The following PAPPA2 variants were observed in gnomAD, a reference collection of about 807,000 sequenced individuals.
PAPPA2 encodes pappalysin-2.
In PAPPA2, 86 loss-of-function variants were observed where a neutral mutation model predicts 176.4. The ratio of observed to expected loss-of-function variants is 0.49; its 90% CI spans 0.41 to 0.58. The LOEUF (loss-of-function observed/expected upper bound fraction) is 0.58, where lower values mean the gene tolerates loss of function less well. Ranked by LOEUF, PAPPA2 falls within the 20% of genes least tolerant of loss-of-function variation. PAPPA2 has a pLI of 0.00. For missense variants in PAPPA2, 2,073 were observed against 2,256.9 expected, an observed-to-expected ratio of 0.92 and a Z score of 1.65; for synonymous variants, 809 against 852.2, an observed-to-expected ratio of 0.95 and a Z score of 0.88.
chr1:176,543,861 A>G (rs1650490947), intron 1 of PAPPA2, among the ~76,000 whole-genome samples: 1 of 152,130 alleles, frequency 6.6e-6, no homozygotes, highest in South Asian at 2.1e-4. Flanking sequence ...GGAGTGGTTA[A>G]GAAGTGGGCC....
intron 1 of PAPPA2, among the ~76,000 whole-genome samples, chr1:176,472,007 C>G (rs914221825): frequency 1.3e-5 from 2 of 152,180 alleles, no homozygotes; most frequent in African/African-American, 4.8e-5. Flanking sequence ...GGTTGTCTCT[C>G]TTTGTGACTT....
intron 17 of PAPPA2, among the ~76,000 whole-genome samples, chr1:176,781,359 A>C (rs941520838): frequency 8.3e-6 from 1 of 119,784 alleles, no homozygotes; most frequent in East Asian, 2.8e-4. Context: ...AGAGCTTTGT[A>C]AGGGGCTTTT....
intron 1 of PAPPA2, among the ~76,000 whole-genome samples, chr1:176,545,784 G>A (rs1650604104): frequency 6.6e-6 from 1 of 152,076 alleles, no homozygotes. Context: ...TGAAAAGGTG[G>A]GCAGTGAACT....
At chr1:176,640,299 G>A (rs1401151882) in intron 3 of PAPPA2, among the ~76,000 whole-genome samples, 6 of 149,992 alleles carry the variant, frequency 4.0e-5, no homozygotes, top group East Asian at 2.0e-4. Context: ...CCATTAACTC[G>A]TCATCTAGCA....
At chr1:176,756,452 T>C (rs965076963) in intron 14 of PAPPA2, among the ~76,000 whole-genome samples, 5 of 152,216 alleles carry the variant, frequency 3.3e-5, no homozygotes, top group African/African-American at 1.2e-4. Context: ...TCAGCTAATA[T>C]ATACATATCT....
intron 4 of PAPPA2, among the ~76,000 whole-genome samples, chr1:176,671,579 T>C (rs1181476675): frequency 6.6e-6 from 1 of 151,816 alleles, no homozygotes; most frequent in African/African-American, 2.4e-5. Context: ...GGGAAAAGAG[T>C]GGATACCTTA....
chr1:176,824,372 T>C (rs1666776860), intron 21 of PAPPA2, among the ~76,000 whole-genome samples: 1 of 152,226 alleles, frequency 6.6e-6, no homozygotes, highest in African/African-American at 2.4e-5. Flanking sequence ...AATTTAATAG[T>C]AAACATCCTA....
intron 19 of PAPPA2, among the ~76,000 whole-genome samples, chr1:176,792,998 G>A (rs1205063228): frequency 1.3e-5 from 2 of 152,222 alleles, no homozygotes; most frequent in East Asian, 3.9e-4. Flanking sequence ...GGCTGCTGAT[G>A]CAATTATCTT....
chr1:176,646,085 T>C (rs1657383375), intron 3 of PAPPA2, among the ~76,000 whole-genome samples: 1 of 151,646 alleles, frequency 6.6e-6, no homozygotes, highest in Admixed American at 6.6e-5. Context: ...CAAAAGTTTT[T>C]TAGTTTGATG....
rs1651326834 is a variant in PAPPA2, at chr1:176,556,777, G to T, written c.455G>T (p.Arg152Ile). The T allele has an allele frequency of 6.2e-7, 1 of 1,614,028 alleles. No individual in the cohort carries two copies. Among genetic ancestry groups the T allele is most frequent in the African/African-American group, 1.3e-5 (1 of 74,908 alleles). The change falls in exon 2 of 23, where the codon AGA (arginine) becomes ATA (isoleucine). Residue 152 changes from arginine to isoleucine, a missense_variant. Arg to Ile is a moderately conservative substitution (Grantham distance 97). This residue lies in a region of PAPPA2 where 1,196 missense variants were observed against 1,330.4 expected (regional missense o/e 0.90). Transcript: ENST00000367662. Reference sequence around the variant, plus strand: ...GATGACGCTTATCTCGGCAATCAAAGATCCAAGGAGTCTCTAGGTGAGGCC... The same window carrying T: ...GATGACGCTTATCTCGGCAATCAAATATCCAAGGAGTCTCTAGGTGAGGCC... ...GDDDAYLGNQ[R>I]SKESLGEAGI...
chr1:176,538,838 A>C (rs925775580), intron 1 of PAPPA2, among the ~76,000 whole-genome samples: 3 of 152,230 alleles, frequency 2.0e-5, no homozygotes, highest in Admixed American at 6.5e-5. Context: ...AAAAGAAGCC[A>C]GCTGAGATCC....
chr1:176,498,751 C>CACAAAAAAAAAAAAAAAGAA (rs762510082), intron 1 of PAPPA2, among the ~76,000 whole-genome samples: 2 of 112,110 alleles, frequency 1.8e-5, no homozygotes, highest in Non-Finnish European at 3.8e-5. Context: ...CTCTTACCTC[C>CACAAAAAAAAAAAAAAAGAA]AAAAAAAAAA....
chr1:176,526,013 G>A (rs1649484016), intron 1 of PAPPA2, among the ~76,000 whole-genome samples: 1 of 152,180 alleles, frequency 6.6e-6, no homozygotes, highest in Admixed American at 6.5e-5. Flanking sequence ...GCTGCCCAGT[G>A]ACCTGAAGCT....
intron 2 of PAPPA2, among the ~76,000 whole-genome samples, chr1:176,571,708 T>A (rs540953308): frequency 2.2e-4 from 34 of 152,226 alleles, no homozygotes; most frequent in Non-Finnish European, 4.6e-4. Flanking sequence ...AGCATGAAAT[T>A]ATTTGTAGTG....
intron 1 of PAPPA2, among the ~76,000 whole-genome samples, chr1:176,504,529 G>A (rs1648143111): frequency 6.6e-6 from 1 of 152,072 alleles, no homozygotes; most frequent in African/African-American, 2.4e-5. Flanking sequence ...GGCTGTGGTA[G>A]TCATTTAAGC....
intron 15 of PAPPA2, 132 bp downstream of exon 15, chr1:176,765,969 C>A: frequency 9.5e-7 from 1 of 1,052,448 alleles, no homozygotes; most frequent in Non-Finnish European, 1.3e-6. Flanking sequence ...GGGGCTCTAA[C>A]AAGCAGAGAG....
At chr1:176,614,400 G>A (rs913892004) in intron 3 of PAPPA2, among the ~76,000 whole-genome samples, 6 of 152,170 alleles carry the variant, frequency 3.9e-5, no homozygotes, top group African/African-American at 1.4e-4. Context: ...AGTCATCCTT[G>A]CTTGAAGCCT....
At chr1:176,705,232 G>A (rs1660829457) in intron 9 of PAPPA2, among the ~76,000 whole-genome samples, 1 of 152,072 alleles carries the variant, frequency 6.6e-6, no homozygotes, top group African/African-American at 2.4e-5. Flanking sequence ...AAAATGATTT[G>A]TAGTTTCCTT....
intron 12 of PAPPA2, among the ~76,000 whole-genome samples, chr1:176,731,149 T>C (rs1662120585): frequency 6.6e-6 from 1 of 152,210 alleles, no homozygotes; most frequent in South Asian, 2.1e-4. Context: ...TCTCTATTGC[T>C]CTTTTCCTTT....
Sources: gnomAD v4.1 joint callset for allele counts (sites outside exome capture counted in the v4.1 genomes callset) on GRCh38, gnomAD v4.1.1 for gene constraint, gnomAD v4.1.1 regional missense constraint, MANE v1.5 for transcripts, NCBI Gene and HGNC (gene_info 2026-07-23, HGNC 2026-07-21) for gene names.